PRKCG: variants seen among roughly 807,000 people sequenced by gnomAD.
PRKCG encodes protein kinase C gamma type.
Under a neutral mutation model 82.0 loss-of-function variants are expected in PRKCG, and 28 were observed. That is an observed-to-expected ratio of 0.34 (90% confidence interval 0.25 to 0.47). PRKCG has a LOEUF of 0.47. Among genes scored for constraint, PRKCG ranks in the 20% least tolerant of loss-of-function variants. The probability of loss-of-function intolerance (pLI) is 1.00; values close to 1 mark genes in which losing one functional copy is unlikely to be tolerated. For missense variants in PRKCG, 640 were observed against 952.7 expected (o/e 0.67, Z 4.32); for synonymous variants, 383 against 376.6 (o/e 1.02, Z -0.20).
At position 53,882,613 on chromosome 19, in the gene PRKCG, C is replaced by T; in HGVS notation, c.119C>T (p.Ala40Val). 4 of 1,613,886 alleles carry T rather than the reference C, an allele frequency of 2.5e-6. No individual in the cohort carries two copies. Among genetic ancestry groups the T allele is most frequent in the Non-Finnish European group, 3.4e-6 (4 of 1,180,034 alleles). The change falls in exon 1 of 18, where the codon GCT (alanine) becomes GTT (valine). Residue 40 changes from alanine (A) to valine (V), a missense_variant. By Grantham distance (64) the Ala-to-Val change is moderately conservative. Transcript: ENST00000263431. This position sits in a 1 kb window ranked among gnomAD's most constrained non-coding sequence, Gnocchi z 6.1. ...GAAGTCAAGAGCCACAAGTTCACCG[C>T]TCGCTTCTTCAAGCAGCCCACCTTC... Reference protein sequence around the residue: ...VHEVKSHKFTARFFKQPTFCS... With the variant: ...VHEVKSHKFTVRFFKQPTFCS...
At position 53,901,578 on chromosome 19, in the gene PRKCG, T is replaced by C. The variant is rs962269012; in HGVS notation, c.1575+829T>C. On this transcript the variant is annotated intron_variant, in intron 14 of 17. Coordinates refer to ENST00000263431, the MANE Select transcript of PRKCG (RefSeq NM_002739.5). ...AAAAAAAAAAAAAAAAAAAGCCGGG[T>C]GCAGTGGCTCACACCTGTAATTCCA... Among the ~76,000 whole-genome samples the C allele has an allele frequency of 4.5e-5, 5 of 111,186 alleles. No individual in the cohort carries two copies. In the South Asian group the frequency reaches 8.5e-4, roughly 19 times the overall value. 72.9% of individuals were successfully genotyped at this position (111,186 alleles called of 152,430 possible). A position where few individuals can be genotyped will look rare whatever the true frequency, so the allele number is the denominator to read the frequency against.
At position 53,900,810 on chromosome 19, in the gene PRKCG, G is replaced by A; in HGVS notation, c.1575+61G>A. ...GATCCCTTAGAGGGTGTAGCTGATG[G>A]TCCAGTATTCACCACGGGTGAGGCC... On this transcript the variant is annotated intron_variant, in intron 14 of 17. Transcript: ENST00000263431. This position sits in a 1 kb window ranked among gnomAD's most constrained non-coding sequence, Gnocchi z 4.2. The A allele has an allele frequency of 1.2e-6, 2 of 1,611,866 alleles. No homozygotes were observed. The highest frequency in any genetic ancestry group is 2.2e-5 in the South Asian group (2 of 91,002).
chr19:53,891,991 T>C (rs1424193434), intron 6 of PRKCG, among the ~76,000 whole-genome samples, 161 bp downstream of exon 6: 3 of 150,240 alleles, frequency 2.0e-5, no homozygotes, highest in African/African-American at 7.4e-5. Flanking sequence ...ATTGAGGGAG[T>C]GGGATGGAGA....
At chr19:53,902,025 C>A (rs549865318) in intron 14 of PRKCG, among the ~76,000 whole-genome samples, 4 of 152,206 alleles carry the variant, frequency 2.6e-5, no homozygotes, top group South Asian at 4.2e-4. Context: ...TGCCTGTAGT[C>A]CCAGCTACTT....
chr19:53,891,576 C>A (rs377285251), intron 5 of PRKCG, 98 bp from the exon 6 acceptor site: 2 of 1,509,950 alleles, frequency 1.3e-6, no homozygotes, highest in Non-Finnish European at 9.2e-7. Context: ...GCCGCCGTGC[C>A]TGGCCAAGCT....
At chr19:53,901,520 G>A (rs1208322044) in intron 14 of PRKCG, among the ~76,000 whole-genome samples, 1 of 144,996 alleles carries the variant, frequency 6.9e-6, no homozygotes, top group East Asian at 2.0e-4. Context: ...CTCCAGCCTG[G>A]GTGACAGAGC....
rs531802552 is a variant in PRKCG, at chr19:53,892,801, CCT to C, written c.821+167_821+168del. Among the ~76,000 whole-genome samples, 241 of 151,664 alleles carry C rather than the reference CCT, an allele frequency of 1.6e-3. 1 individual carries two copies. The Middle Eastern group carries it at 0.017, about 11-fold the overall frequency. ...ACACACGCACACACACGCACACACC[CCT>C]CTCTCTCTATTCTTCTCTTCTTCTC... is the stretch of plus-strand genomic sequence containing the variant. On this transcript the variant is annotated intron_variant, in intron 7 of 17. Coordinates refer to ENST00000263431, the MANE Select transcript of PRKCG (RefSeq NM_002739.5). This position sits in a 1 kb window ranked among gnomAD's most constrained non-coding sequence, Gnocchi z 5.9.
At position 53,892,096 on chromosome 19, in the gene PRKCG, A is replaced by G. The variant is rs2068680930; in HGVS notation, c.686+266A>G. On this transcript the variant is annotated intron_variant, in intron 6 of 17. Coordinates refer to ENST00000263431, the MANE Select transcript of PRKCG (RefSeq NM_002739.5). This position sits in a 1 kb window ranked among gnomAD's most constrained non-coding sequence, Gnocchi z 5.9. ...GACAGAGATGAGAGAGAGAAGAGAG[A>G]GTCTCAGAAGAGGCAGAAACCCAAA... 1.3e-5 allele frequency among the ~76,000 whole-genome samples: 2 copies of G among 152,076 alleles called. No individual in the cohort carries two copies. The highest frequency in any genetic ancestry group is 1.3e-4 in the Admixed American group (2 of 15,262).
intron 15 of PRKCG, among the ~76,000 whole-genome samples, chr19:53,904,101 T>TA (rs887723440): frequency 6.6e-6 from 1 of 151,346 alleles, no homozygotes; most frequent in Non-Finnish European, 1.5e-5. Context: ...AGTTAGAAGT[T>TA]AAAAAAAAAT....
At chr19:53,890,712 G>C (rs149504713) in intron 5 of PRKCG, among the ~76,000 whole-genome samples, 1,611 of 150,872 alleles carry the variant, frequency 0.011, 27 homozygotes, top group African/African-American at 0.037. Flanking sequence ...CTCCCGAGTA[G>C]CTGGAATTAC....
At chr19:53,899,722 G>T (rs2068748584) in intron 11 of PRKCG, among the ~76,000 whole-genome samples, 1 of 152,134 alleles carries the variant, frequency 6.6e-6, no homozygotes, top group Non-Finnish European at 1.5e-5. Flanking sequence ...GAGTAGCTGG[G>T]ATTACAGGCT....
chr19:53,895,126 G>A (rs2068708270), intron 9 of PRKCG, among the ~76,000 whole-genome samples: 1 of 152,130 alleles, frequency 6.6e-6, no homozygotes, highest in Non-Finnish European at 1.5e-5. Context: ...AGAGAAAGCA[G>A]GGAAAGAACA....
intron 17 of PRKCG, 46 bp from the exon 18 acceptor site, chr19:53,906,661 G>T (rs767511442): frequency 2.9e-5 from 46 of 1,599,390 alleles, no homozygotes; most frequent in Non-Finnish European, 3.8e-5. Context: ...GACACCCGAG[G>T]AGCCCTCGGA....
At position 53,897,856 on chromosome 19, in the gene PRKCG, A is replaced by G. The variant is rs560914418; in HGVS notation, c.940-103A>G. The G allele has an allele frequency of 1.9e-6, 3 of 1,542,336 alleles. 1 individual carries two copies. In the South Asian group the frequency reaches 3.4e-5, roughly 17 times the overall value. On this transcript the variant is annotated intron_variant, in intron 9 of 17. Transcript: ENST00000263431. ...GGTGGCCATTTTCCTCTGTCTAGCG[A>G]TTCTCATCCTTTCCTTTCTTGGGTG...
chr19:53,898,358 C>T (rs1015108213), intron 10 of PRKCG, 82 bp from the exon 11 acceptor site: 5 of 1,556,030 alleles, frequency 3.2e-6, no homozygotes, highest in African/African-American at 2.7e-5. Context: ...GATCCCGTTT[C>T]CCTGCGTCCC....
rs2068619237 is a variant in PRKCG at position 53,884,704 on chromosome 19, G to C, written c.285+461G>C. On this transcript the variant is annotated intron_variant, in intron 3 of 17. Coordinates refer to ENST00000263431, the MANE Select transcript of PRKCG (RefSeq NM_002739.5). The surrounding 1 kb of genome is among the most constrained non-coding windows in gnomAD (Gnocchi z 4.6). ...GAGATGGAGCAGAGAAAGAACCAGG[G>C]AGAAAGAGAGGAATTTGGAGGCACC... Among the ~76,000 whole-genome samples the C allele has an allele frequency of 6.6e-6, 1 of 152,126 alleles. No homozygotes were observed. Among genetic ancestry groups the C allele is most frequent in the Admixed American group, 6.5e-5 (1 of 15,274 alleles).
At chr19:53,881,131 CAG>C (rs36156511), upstream of PRKCG, among the ~76,000 whole-genome samples, 9 of 148,410 alleles carry the variant, frequency 6.1e-5, no homozygotes, top group African/African-American at 1.7e-4. Flanking sequence ...CCCCTAGCAT[CAG>C]AGAGAGAGAG....
intron 5 of PRKCG, among the ~76,000 whole-genome samples, chr19:53,891,285 T>A (rs189785965): frequency 1.7e-4 from 25 of 151,454 alleles, no homozygotes; most frequent in Admixed American, 1.4e-3. Context: ...ATTCTTTTTT[T>A]TTTTTTTTTG....
At position 53,889,943 on chromosome 19, in the gene PRKCG, T is replaced by A; in HGVS notation, c.455T>A (p.Val152Glu). Residue 152 changes from valine to glutamate, a missense_variant, in exon 5 of 18, where the codon GTG becomes GAG. Val to Glu is a moderately radical substitution (Grantham distance 121). This residue lies in a region of PRKCG where 261 missense variants were observed against 312.1 expected (regional missense o/e 0.84). Coordinates refer to ENST00000263431, the MANE Select transcript of PRKCG (RefSeq NM_002739.5). The surrounding 1 kb of genome is among the most constrained non-coding windows in gnomAD (Gnocchi z 4.4). ...CGTAGCGTGCCCTCCCTGTGCGGTG[T>A]GGACCACACCGAGCGCCGCGGGCGC... is the stretch of plus-strand genomic sequence containing the variant. The part of the protein sequence containing the change: ...CVRSVPSLCG[V>E]DHTERRGRLQ... The A allele has an allele frequency of 6.3e-7, 1 of 1,580,952 alleles. No individual in the cohort carries two copies. The highest frequency in any genetic ancestry group is 1.2e-5 in the South Asian group (1 of 86,656).
Sources: allele counts gnomAD v4.1 joint callset (sites outside exome capture counted in the v4.1 genomes callset), GRCh38; gene constraint gnomAD v4.1.1; regional missense constraint gnomAD v4.1.1; non-coding constraint Gnocchi (gnomAD v3.1); transcripts MANE v1.5; gene names NCBI Gene and HGNC (gene_info 2026-07-23, HGNC 2026-07-21).